Variants in PHTF2 observed in about 807,000 individuals in gnomAD.
PHTF2 encodes protein PHTF2.
A neutral mutation model predicts 101.2 loss-of-function variants in PHTF2; 60 were observed. The ratio of observed to expected loss-of-function variants is 0.59; its 90% confidence interval spans 0.48 to 0.73. The LOEUF is 0.73. Among genes scored for constraint, PHTF2 ranks in the 30% least tolerant of loss-of-function variants. The pLI, the probability that PHTF2 is intolerant of heterozygous loss-of-function variation, is 0.00. For synonymous variants in PHTF2, 311 were observed against 307.3 expected, an observed-to-expected ratio of 1.01 and a Z score of -0.13; for missense variants, 747 against 908.7, an observed-to-expected ratio of 0.82 and a Z score of 2.29.
intron 1 of PHTF2, among the ~76,000 whole-genome samples, chr7:77,805,752 A>C (rs1023191623): frequency 6.6e-6 from 1 of 152,364 alleles, no homozygotes; most frequent in African/African-American, 2.4e-5. Flanking sequence ...CGCTCTGGTC[A>C]AAGAACATAC....
chr7:77,853,045 C>T (rs1796891806), intron 2 of PHTF2, among the ~76,000 whole-genome samples: 1 of 152,044 alleles, frequency 6.6e-6, no homozygotes, highest in African/African-American at 2.4e-5. Context: ...TTATTAAATG[C>T]CTTGAGGTAG....
At chr7:77,885,708 G>T (rs1424667368) in intron 3 of PHTF2, among the ~76,000 whole-genome samples, 1 of 152,160 alleles carries the variant, frequency 6.6e-6, no homozygotes, top group Non-Finnish European at 1.5e-5. Flanking sequence ...GCCTCCCAAA[G>T]TGCTAGGATT....
chr7:77,863,787 G>GTTTTTTT (rs368245678), intron 3 of PHTF2, among the ~76,000 whole-genome samples: 2 of 132,178 alleles, frequency 1.5e-5, no homozygotes, highest in African/African-American at 5.6e-5. Flanking sequence ...GTTTTGTTTT[G>GTTTTTTT]TTTTTTTTTT....
intron 9 of PHTF2, among the ~76,000 whole-genome samples, chr7:77,916,966 T>C (rs1802989489): frequency 6.6e-6 from 1 of 152,216 alleles, no homozygotes; most frequent in African/African-American, 2.4e-5. Flanking sequence ...ATTATCCTGC[T>C]TTCACCTTCT....
intron 16 of PHTF2, among the ~76,000 whole-genome samples, chr7:77,943,221 C>T (rs990306778): frequency 1.3e-5 from 2 of 152,084 alleles, no homozygotes; most frequent in South Asian, 2.1e-4. Context: ...CCCGGGTTCA[C>T]GCCATTCTCC....
intron 3 of PHTF2, among the ~76,000 whole-genome samples, chr7:77,886,095 T>C (rs1799820710): frequency 6.6e-6 from 1 of 152,194 alleles, no homozygotes; most frequent in Non-Finnish European, 1.5e-5. Context: ...TTGAGAATTC[T>C]TAATCTTTTA....
At chr7:77,819,963 C>A (rs1156299486) in intron 1 of PHTF2, among the ~76,000 whole-genome samples, 1 of 152,044 alleles carries the variant, frequency 6.6e-6, no homozygotes, top group Non-Finnish European at 1.5e-5. Flanking sequence ...GATCTCGACT[C>A]ACTGCAACTT....
At chr7:77,917,443 C>G (rs1803035844) in intron 9 of PHTF2, among the ~76,000 whole-genome samples, 2 of 152,130 alleles carry the variant, frequency 1.3e-5, no homozygotes, top group Admixed American at 1.3e-4. Flanking sequence ...GTATTTGGTC[C>G]TTTACAATTA....
chr7:77,922,017 CTTTTTTTT>C lies in PHTF2; in HGVS notation c.964-590_964-583del, dbSNP rs35763664. Among the ~76,000 whole-genome samples, 66 of 95,288 alleles carry C rather than the reference CTTTTTTTT, an allele frequency of 6.9e-4. 1 individual carries two copies. In the South Asian group the frequency reaches 0.024, roughly 34 times the overall value. The allele number at this position is 95,288 out of a possible 152,430, so 62.5% of individuals were successfully genotyped here. On this transcript the variant is annotated intron_variant, in intron 10 of 19. Transcript: ENST00000416283. ...TTCTGCTTTTCTCCTGTTTATATTC[CTTTTTTTT>C]TTTTTTTTTTTTTTTGAGACATGGT...
chr7:77,906,185 T>C (rs1044534130), intron 7 of PHTF2: 1 of 152,012 alleles, frequency 6.6e-6, no homozygotes, highest in African/African-American at 2.4e-5. Context: ...ATGGGGTTTC[T>C]CCATATTGGC....
rs17158880 is a variant in PHTF2, at chr7:77,859,979, A to G, written c.147+5145A>G. Among the ~76,000 whole-genome samples, 836 of 152,328 alleles carry G rather than the reference A, an allele frequency of 5.5e-3. 7 individuals carry two copies. The highest frequency in any genetic ancestry group is 0.019 in the African/African-American group (793 of 41,582). ...AATAGATATTTGGGTTGTTTAACCTAACAGTTATGAGGTTTCCTTTCTTAC... is the reference window on the plus strand; with the variant it reads ...AATAGATATTTGGGTTGTTTAACCTGACAGTTATGAGGTTTCCTTTCTTAC... On this transcript the variant is annotated intron_variant, in intron 3 of 19. Transcript: ENST00000416283.
chr7:77,882,711 G>A (rs1361256112), intron 3 of PHTF2, among the ~76,000 whole-genome samples: 2 of 152,164 alleles, frequency 1.3e-5, no homozygotes, highest in Non-Finnish European at 2.9e-5. Context: ...TTTAAAAAAA[G>A]ATTGATTCAG....
chr7:77,932,124 G>T (rs1804627110), intron 12 of PHTF2, among the ~76,000 whole-genome samples: 1 of 152,124 alleles, frequency 6.6e-6, no homozygotes, highest in South Asian at 2.1e-4. Context: ...AAATAAAAAG[G>T]ATGGCTATGA....
intron 1 of PHTF2, among the ~76,000 whole-genome samples, chr7:77,838,947 T>C (rs540076670): frequency 1.5e-4 from 23 of 152,324 alleles, no homozygotes; most frequent in African/African-American, 5.5e-4. Context: ...TCTAAACATT[T>C]GAACTTGTTG....
chr7:77,928,735 G>T (rs1204072026), intron 11 of PHTF2, among the ~76,000 whole-genome samples: 1 of 152,182 alleles, frequency 6.6e-6, no homozygotes, highest in Non-Finnish European at 1.5e-5. Flanking sequence ...GAGGCCAATG[G>T]TATTGCCATT....
Position 77,937,674 on chromosome 7 carries a change from G to A in PHTF2, c.1339-36G>A, listed in dbSNP as rs2428941. 5.9e-3 allele frequency: 4,915 copies of A among 827,332 alleles called. 191 individuals are homozygous for A. The African/African-American group carries it at 0.08, about 13-fold the overall frequency. The allele number at this position is 827,332 out of a possible 1,614,324, so 51.2% of individuals were successfully genotyped here. On this transcript the variant is annotated intron_variant, in intron 12 of 19. Coordinates refer to ENST00000416283, the Ensembl canonical transcript of PHTF2. ...TACACACATTTTATTTATTAAATGT[G>A]ATCTATATATTTACTAATTTTTTTT...
At chr7:77,880,758 C>T (rs1316857040) in intron 3 of PHTF2, among the ~76,000 whole-genome samples, 2 of 152,088 alleles carry the variant, frequency 1.3e-5, no homozygotes, top group Non-Finnish European at 2.9e-5. Context: ...CTGAATTGTT[C>T]AGGAGAAGCA....
At chr7:77,955,814 G>A (rs1562984645) in exon 20 of PHTF2, 1 of 152,376 alleles carries the variant, frequency 6.6e-6, no homozygotes, top group Non-Finnish European at 1.5e-5. Flanking sequence ...ATGAACAACT[G>A]AAGAATAAGG....
intron 16 of PHTF2, among the ~76,000 whole-genome samples, chr7:77,946,958 CAAA>C (rs113457897): frequency 1.5e-5 from 1 of 66,408 alleles, no homozygotes; most frequent in Non-Finnish European, 3.1e-5. Flanking sequence ...CTGGTCTCTA[CAAA>C]AAAAAAAAAA....
Sources: gnomAD v4.1 joint callset for allele counts (sites outside exome capture counted in the v4.1 genomes callset) on GRCh38, gnomAD v4.1.1 for gene constraint, MANE v1.5 for transcripts, NCBI Gene and HGNC (gene_info 2026-07-23, HGNC 2026-07-21) for gene names.